Variants in SLC9B2 observed in about 807,000 individuals in gnomAD.
The protein encoded by SLC9B2 is sodium/hydrogen exchanger 9B2.
SLC9B2 carries 39 observed loss-of-function variants against 52.2 expected under a neutral mutation model. That is an observed-to-expected ratio of 0.75 (90% CI 0.58 to 0.98). SLC9B2 has a LOEUF of 0.98. Ranked by LOEUF, SLC9B2 falls within the 50% of genes least tolerant of loss-of-function variation. The probability of loss-of-function intolerance (pLI) is 0.00; values close to 1 mark genes in which losing one functional copy is unlikely to be tolerated. For missense variants in SLC9B2, 626 were observed against 637.5 expected (o/e 0.98, Z 0.19); for synonymous variants, 214 against 227.0 (o/e 0.94, Z 0.51).
rs1199905167 is a variant in SLC9B2, at chr4:103,025,706, A to C, written c.*664T>G. 6.6e-6 allele frequency: 1 copy of C among 152,234 alleles called. No homozygotes were observed. 9.4% of individuals were successfully genotyped at this position (152,234 alleles called of 1,614,324 possible). On this transcript the variant is annotated 3_prime_UTR_variant, in exon 12 of 12. Coordinates refer to ENST00000394785, the MANE Select transcript of SLC9B2 (RefSeq NM_178833.7). ...ACTCCTTAGGGGAAGGTAGACTCAC[A>C]TGGGCCACTGAAATAAAGGAACCTG... is the stretch of plus-strand genomic sequence containing the variant.
At chr4:103,066,190 T>C (rs1746105038) in intron 3 of SLC9B2, 137 bp downstream of exon 3, 4 of 966,720 alleles carry the variant, frequency 4.1e-6, no homozygotes, top group Non-Finnish European at 6.1e-6. Flanking sequence ...GAGCCACCCA[T>C]GTGTGTGAAT....
chr4:103,043,867 T>C (rs2110603191), intron 8 of SLC9B2, among the ~76,000 whole-genome samples: 1 of 152,334 alleles, frequency 6.6e-6, no homozygotes, highest in Non-Finnish European at 1.5e-5. Flanking sequence ...GAAGGTTAAA[T>C]ATATATCTCT....
intron 6 of SLC9B2, 63 bp downstream of exon 6, chr4:103,048,830 T>C (rs1164543346): frequency 2.5e-6 from 4 of 1,576,190 alleles, no homozygotes; most frequent in Non-Finnish European, 3.4e-6. Flanking sequence ...TTCTCTTGTA[T>C]GCAATCAGGG....
intron 10 of SLC9B2, 61 bp downstream of exon 10, chr4:103,031,639 T>C: frequency 2.4e-6 from 3 of 1,230,906 alleles, no homozygotes; most frequent in Middle Eastern, 3.8e-4. Context: ...GTAGACTTTA[T>C]TGGTGAGTAG....
intron 4 of SLC9B2, among the ~76,000 whole-genome samples, chr4:103,054,572 GC>G (rs1215486639): frequency 2.0e-5 from 3 of 152,160 alleles, no homozygotes; most frequent in Non-Finnish European, 2.9e-5. Context: ...TCACAACTCT[GC>G]CAGTATAATG....
At chr4:103,074,640 T>G (rs568184957) in intron 1 of SLC9B2, among the ~76,000 whole-genome samples, 138 of 152,340 alleles carry the variant, frequency 9.1e-4, no homozygotes, top group Middle Eastern at 3.4e-3. Context: ...CAGAAATTAT[T>G]TGGATTGTAA....
Position 103,076,755 on chromosome 4 carries a change from C to G in SLC9B2, c.-614G>C, listed in dbSNP as rs969464569. On this transcript the variant is annotated 5_prime_UTR_variant, in exon 1 of 12. Coordinates refer to ENST00000394785, the MANE Select transcript of SLC9B2 (RefSeq NM_178833.7). ...CGCGGACCCAGGCGCCGAGTCTTCCCGGAGATGACGAGACACCGCGAGAGG... is the reference window on the plus strand; with the variant it reads ...CGCGGACCCAGGCGCCGAGTCTTCCGGGAGATGACGAGACACCGCGAGAGG... 6.6e-6 allele frequency: 1 copy of G among 152,288 alleles called. No individual in the cohort carries two copies. The allele number at this position is 152,288 out of a possible 1,614,324, so 9.4% of individuals were successfully genotyped here.
At chr4:103,019,880 A>G, downstream of SLC9B2, 1 of 986,436 alleles carries the variant, frequency 1.0e-6, no homozygotes, top group Non-Finnish European at 1.2e-6. Flanking sequence ...ATATTGACTC[A>G]TCGGGTTGTA....
intron 3 of SLC9B2, among the ~76,000 whole-genome samples, chr4:103,063,078 T>A (rs890578771): frequency 6.6e-5 from 10 of 152,240 alleles, no homozygotes; most frequent in Non-Finnish European, 8.8e-5. Context: ...TATACATTTT[T>A]AAAAAATGTG....
At chr4:103,055,043 G>C (rs535045640) in intron 4 of SLC9B2, among the ~76,000 whole-genome samples, 1 of 152,214 alleles carries the variant, frequency 6.6e-6, no homozygotes, top group African/African-American at 2.4e-5. Context: ...ATACACCATG[G>C]AATACTATGC....
At chr4:103,062,524 T>G (rs1745754424) in intron 3 of SLC9B2, among the ~76,000 whole-genome samples, 1 of 152,210 alleles carries the variant, frequency 6.6e-6, no homozygotes, top group Admixed American at 6.5e-5. Context: ...AAATGGTATG[T>G]CTATAAGGTT....
chr4:103,023,352 T>G lies in SLC9B2; in HGVS notation c.*3018A>C, dbSNP rs1158766755. ...TTACATGTGCTCTGACATAAGTATG[T>G]ATAAGGGACCCAAAAGTTAGAGTAA... On this transcript the variant is annotated 3_prime_UTR_variant, in exon 12 of 12. Coordinates refer to ENST00000394785, the MANE Select transcript of SLC9B2 (RefSeq NM_178833.7). 6.6e-6 allele frequency among the ~76,000 whole-genome samples: 1 copy of G among 152,206 alleles called. No homozygotes were observed.
intron 1 of SLC9B2, among the ~76,000 whole-genome samples, chr4:103,072,323 C>T (rs893376494): frequency 6.6e-6 from 1 of 152,124 alleles, no homozygotes; most frequent in Non-Finnish European, 1.5e-5. Context: ...TCCCAAAGTG[C>T]TGGGATTACA....
At chr4:103,064,132 TC>T (rs150478308) in intron 3 of SLC9B2, among the ~76,000 whole-genome samples, 1,525 of 152,308 alleles carry the variant, frequency 0.01, 32 homozygotes, top group African/African-American at 0.034. Context: ...GATCCTGCAA[TC>T]CCATTACTGG....
At chr4:103,047,310 G>A (rs932621119) in intron 6 of SLC9B2, 84 bp from the exon 7 acceptor site, 9 of 1,132,826 alleles carry the variant, frequency 7.9e-6, no homozygotes, top group Non-Finnish European at 1.1e-5. Flanking sequence ...CTTTTTAGGG[G>A]TTATACTTGG....
At chr4:103,039,215 T>A (rs1290746343) in intron 9 of SLC9B2, among the ~76,000 whole-genome samples, 1 of 152,220 alleles carries the variant, frequency 6.6e-6, no homozygotes, top group African/African-American at 2.4e-5. Context: ...TCTTATGCTC[T>A]TAGTATGATA....
chr4:103,047,168 C>T lies in SLC9B2; in HGVS notation c.772G>A (p.Gly258Arg). Residue 258 changes from glycine (G) to arginine (R), a missense_variant, in exon 7 of 12, where the codon GGA (glycine) becomes AGA (arginine). Coordinates refer to ENST00000394785, the MANE Select transcript of SLC9B2 (RefSeq NM_178833.7). Reference sequence around the variant, plus strand: ...CCCTTCTCAACACCATAGCCTCCTCCCTGCAAAAGGAGCATTGAAGGCACC... The same window carrying T: ...CCCTTCTCAACACCATAGCCTCCTCTCTGCAAAAGGAGCATTGAAGGCACC... ...VVVPSMLLLQ[G>R]GGYGVEKGVP... 1 of 1,613,858 alleles carries T rather than the reference C, an allele frequency of 6.2e-7. No homozygotes were observed.
At chr4:103,066,804 A>G (rs776751859) in intron 2 of SLC9B2, among the ~76,000 whole-genome samples, 9 of 152,204 alleles carry the variant, frequency 5.9e-5, no homozygotes, top group Non-Finnish European at 1.0e-4. Context: ...ACACAAGTGA[A>G]AAATTCCACA....
intron 2 of SLC9B2, among the ~76,000 whole-genome samples, chr4:103,066,989 TA>T (rs758350083): frequency 0.01 from 1,463 of 143,152 alleles, 12 homozygotes; most frequent in East Asian, 0.031. Context: ...ATGCAAATAT[TA>T]AAAAAAAAAA....
Sources: gnomAD v4.1 joint callset for allele counts (sites outside exome capture counted in the v4.1 genomes callset) on GRCh38, gnomAD v4.1.1 for gene constraint, MANE v1.5 for transcripts, NCBI Gene and HGNC (gene_info 2026-07-23, HGNC 2026-07-21) for gene names.